Variants in NIN observed in about 807,000 individuals in gnomAD.
NIN encodes the protein glycogen synthase kinase 3 beta-interacting protein.
NIN carries 137 observed loss-of-function variants against 257.6 expected under a neutral mutation model. The ratio of observed to expected loss-of-function variants is 0.53; its 90% CI spans 0.46 to 0.61. The LOEUF is 0.61. NIN is among the 20% of genes least tolerant of loss of function. NIN has a pLI of 0.00. For synonymous variants in NIN, 918 were observed against 919.8 expected (o/e 1.00, Z 0.04); for missense variants, 2,439 against 2,501.2 (o/e 0.98, Z 0.53).
chr14:50,804,330 G>C (rs538643029), intron 4 of NIN, among the ~76,000 whole-genome samples: 1 of 152,332 alleles, frequency 6.6e-6, no homozygotes, highest in African/African-American at 2.4e-5. Flanking sequence ...ACAAAGCAGG[G>C]AATGTGGGAG....
intron 15 of NIN, 90 bp downstream of exon 15, chr14:50,763,736 A>C: frequency 1.8e-6 from 2 of 1,124,038 alleles, no homozygotes; most frequent in Admixed American, 2.4e-5. Flanking sequence ...TTCTTTTTTC[A>C]AGTTGCCAAA....
At chr14:50,724,227 G>T in intron 30 of NIN, 1 of 204,722 alleles carries the variant, frequency 4.9e-6, no homozygotes, top group East Asian at 7.5e-5. Context: ...TAGAATATAT[G>T]GTCTAGGTTG....
intron 27 of NIN, among the ~76,000 whole-genome samples, chr14:50,736,904 G>T (rs2041007507): frequency 1.3e-5 from 2 of 152,090 alleles, no homozygotes; most frequent in Non-Finnish European, 2.9e-5. Flanking sequence ...TTTAGAAAAA[G>T]AAAAGTAACA....
chr14:50,727,628 A>T, intron 29 of NIN: 1 of 1,443,810 alleles, frequency 6.9e-7, no homozygotes, highest in Non-Finnish European at 9.4e-7. Context: ...GTGTGTGTGC[A>T]TGGGTGGGTG....
intron 3 of NIN, among the ~76,000 whole-genome samples, chr14:50,809,801 A>G (rs1424093194): frequency 6.6e-6 from 1 of 152,214 alleles, no homozygotes; most frequent in African/African-American, 2.4e-5. Context: ...ATATGGTATG[A>G]CAAACACACA....
intron 25 of NIN, 141 bp downstream of exon 25, chr14:50,741,441 T>C (rs1428017426): frequency 5.8e-6 from 4 of 687,434 alleles, no homozygotes; most frequent in Non-Finnish European, 9.5e-6. Context: ...TTTATCTAAG[T>C]GATGGTTATA....
intron 2 of NIN, 103 bp from the exon 3 acceptor site, chr14:50,822,180 G>T: frequency 1.3e-6 from 1 of 775,212 alleles, no homozygotes; most frequent in Non-Finnish European, 2.1e-6. Flanking sequence ...CCAGTCTCTA[G>T]GGAATGCTCG....
chr14:50,824,289 A>G (rs923910140), intron 2 of NIN, among the ~76,000 whole-genome samples: 1 of 152,198 alleles, frequency 6.6e-6, no homozygotes, highest in Non-Finnish European at 1.5e-5. Context: ...CGAATTTGAT[A>G]TACTATCATG....
Position 50,766,904 on chromosome 14 carries a change from G to A in NIN, c.1435-14C>T, listed in dbSNP as rs1181426237. ...ACGACTGTTTTCCTGAACAAGTATG[G>A]GGAAATTAAATGTGGTACAGATTAA... is the stretch of plus-strand genomic sequence containing the variant. On this transcript the variant is annotated splice_polypyrimidine_tract_variant and intron_variant, in intron 12 of 30. Coordinates refer to ENST00000530997, the MANE Select transcript of NIN (RefSeq NM_020921.4). 6.4e-7 allele frequency: 1 copy of A among 1,569,292 alleles called. No homozygotes were observed. Among genetic ancestry groups the A allele is most frequent in the African/African-American group, 1.4e-5 (1 of 73,996 alleles).
intron 4 of NIN, among the ~76,000 whole-genome samples, chr14:50,800,630 A>ATAAT (rs2044056879): frequency 6.6e-6 from 1 of 152,170 alleles, no homozygotes; most frequent in Non-Finnish European, 1.5e-5. Flanking sequence ...GGTGCCTATT[A>ATAAT]TCTTAGGTAA....
intron 16 of NIN, among the ~76,000 whole-genome samples, chr14:50,761,181 GA>G (rs371155318): frequency 2.0e-5 from 3 of 152,016 alleles, no homozygotes; most frequent in African/African-American, 7.2e-5. Context: ...TCAAAGGAGG[GA>G]AAAAAATCAC....
At position 50,757,235 on chromosome 14, in the gene NIN, C is replaced by T. The variant is rs781340320; in HGVS notation, c.3795G>A (p.Glu1265=). The T allele has an allele frequency of 2.8e-5, 46 of 1,614,068 alleles. No individual in the cohort carries two copies. The African/African-American group carries it at 5.7e-4, about 20-fold the overall frequency. The change falls in exon 18 of 31, where the codon GAG becomes GAA. Residue 1265 remains glutamate (E), a synonymous_variant. Coordinates refer to ENST00000530997, the MANE Select transcript of NIN (RefSeq NM_020921.4). ...CGTAGCGTGTCTCCATCATTCTCAG[C>T]TCTTCCTGAAGGCAGTCATTTTCTC... ...VSRENDCLQE[E]LRMMETRYDE...
chr14:50,776,422 T>C (rs2042925646), intron 7 of NIN, among the ~76,000 whole-genome samples: 1 of 152,170 alleles, frequency 6.6e-6, no homozygotes, highest in Admixed American at 6.5e-5. Context: ...CACCCAAGGC[T>C]CTCTTCATGC....
rs796391656 is a variant in NIN at position 50,722,046 on chromosome 14, G to A, written c.*1417C>T. On this transcript the variant is annotated 3_prime_UTR_variant, in exon 31 of 31. Transcript: ENST00000530997. ...AGGAATATATCAAAGCGAACTTTTC[G>A]GATTATTGTCTCATGAAAACAAGCA... 9 of 228,564 alleles carry A rather than the reference G, an allele frequency of 3.9e-5. No homozygotes were observed. The highest frequency in any genetic ancestry group is 1.8e-4 in the South Asian group (1 of 5,488). The allele number at this position is 228,564 out of a possible 1,614,324, so 14.2% of individuals were successfully genotyped here.
At chr14:50,797,329 T>C (rs1239219438) in intron 4 of NIN, among the ~76,000 whole-genome samples, 1 of 152,188 alleles carries the variant, frequency 6.6e-6, no homozygotes, top group Non-Finnish European at 1.5e-5. Context: ...CATTTTGGAA[T>C]TGCTCGCATA....
chr14:50,721,530 A>G lies in NIN; in HGVS notation c.*1933T>C, dbSNP rs981863423. On this transcript the variant is annotated 3_prime_UTR_variant, in exon 31 of 31. Transcript: ENST00000530997. ...AGGTACTTAGTTTATTTTTGTCCTT[A>G]GCCTAGGCCAATCCACAGTTTTAAG... 4.6e-6 allele frequency: 1 copy of G among 217,812 alleles called. No individual in the cohort carries two copies. The highest frequency in any genetic ancestry group is 2.2e-5 in the African/African-American group (1 of 44,454). 13.5% of individuals were successfully genotyped at this position (217,812 alleles called of 1,614,324 possible).
At chr14:50,795,147 T>A (rs1467553668) in intron 4 of NIN, among the ~76,000 whole-genome samples, 1 of 152,228 alleles carries the variant, frequency 6.6e-6, no homozygotes, top group Admixed American at 6.5e-5. Flanking sequence ...CTATGTAACC[T>A]TTTTGGAATA....
chr14:50,782,395 G>A (rs1381822837), intron 5 of NIN, among the ~76,000 whole-genome samples: 1 of 152,010 alleles, frequency 6.6e-6, no homozygotes, highest in Non-Finnish European at 1.5e-5. Context: ...CAACAATCGA[G>A]CATAAAGTAT....
At chr14:50,779,179 A>G (rs76452570) in intron 5 of NIN, among the ~76,000 whole-genome samples, 5,429 of 152,348 alleles carry the variant, frequency 0.036, 104 homozygotes, top group Non-Finnish European at 0.05. Flanking sequence ...ATAAATGTGT[A>G]CTGAGTGCTT....
Sources: gnomAD v4.1 joint callset for allele counts (sites outside exome capture counted in the v4.1 genomes callset) on GRCh38, gnomAD v4.1.1 for gene constraint, MANE v1.5 for transcripts, NCBI Gene and HGNC (gene_info 2026-07-23, HGNC 2026-07-21) for gene names.